Variants in CDH4 observed in about 807,000 individuals in gnomAD.
The protein encoded by CDH4 is cadherin 4.
Under a neutral mutation model 86.0 loss-of-function variants are expected in CDH4, and 33 were observed. That is an observed-to-expected ratio of 0.38 (90% CI 0.29 to 0.51). CDH4 has a LOEUF of 0.51. CDH4 is among the 20% of genes least tolerant of loss of function. CDH4 has a pLI of 0.86. For missense variants in CDH4, 1,114 were observed against 1,307.4 expected (o/e 0.85, Z 2.28); for synonymous variants, 555 against 549.4 (o/e 1.01, Z -0.14).
intron 2 of CDH4, among the ~76,000 whole-genome samples, chr20:61,504,730 T>C (rs1349271544): frequency 1.3e-5 from 2 of 152,228 alleles, no homozygotes; most frequent in Non-Finnish European, 2.9e-5. Flanking sequence ...CAAATCTGAC[T>C]AATGGCCTAA....
At chr20:61,589,480 A>G (rs1395011456) in intron 2 of CDH4, among the ~76,000 whole-genome samples, 1 of 152,208 alleles carries the variant, frequency 6.6e-6, no homozygotes, top group African/African-American at 2.4e-5. Context: ...TCTGCTAGAA[A>G]ATTCCTCTTG....
intron 2 of CDH4, among the ~76,000 whole-genome samples, chr20:61,356,278 T>C (rs780585312): frequency 1.6e-4 from 25 of 152,234 alleles, no homozygotes; most frequent in Admixed American, 4.6e-4. Flanking sequence ...GCAGCTGGAC[T>C]GTAACCTGCT....
chr20:61,558,016 G>C (rs982523092), intron 2 of CDH4, among the ~76,000 whole-genome samples: 2 of 152,124 alleles, frequency 1.3e-5, no homozygotes, highest in Non-Finnish European at 2.9e-5. Flanking sequence ...TTGCCAGTTG[G>C]AATGAGAACA....
At chr20:61,458,086 C>G (rs1036467798) in intron 2 of CDH4, among the ~76,000 whole-genome samples, 11 of 145,756 alleles carry the variant, frequency 7.5e-5, no homozygotes, top group African/African-American at 2.8e-4. Context: ...GTAGTCATAT[C>G]ATGGTGATGG....
chr20:61,681,137 A>G lies in CDH4; in HGVS notation c.170-62426A>G, dbSNP rs1287348641. Among the ~76,000 whole-genome samples, 2 of 152,204 alleles carry G rather than the reference A, an allele frequency of 1.3e-5. No homozygotes were observed. The highest frequency in any genetic ancestry group is 2.9e-5 in the Non-Finnish European group (2 of 68,026). ...GTGGATGTGGGCCCTCCAGAATTCA[A>G]GAAAATGTCTCTGCAAGGGTAAAAC... On this transcript the variant is annotated intron_variant, in intron 2 of 15. Coordinates refer to ENST00000614565, the MANE Select transcript of CDH4 (RefSeq NM_001794.5). This position sits in a 1 kb window ranked among gnomAD's most constrained non-coding sequence, Gnocchi z 4.5.
intron 2 of CDH4, among the ~76,000 whole-genome samples, chr20:61,255,782 T>C (rs1231294479): frequency 6.6e-6 from 1 of 152,204 alleles, no homozygotes; most frequent in Admixed American, 6.5e-5. Flanking sequence ...TGACAGCGGT[T>C]CCTGTGTATG....
At chr20:61,347,595 C>G (rs2084686648) in intron 2 of CDH4, among the ~76,000 whole-genome samples, 1 of 152,210 alleles carries the variant, frequency 6.6e-6, no homozygotes, top group Non-Finnish European at 1.5e-5. Flanking sequence ...CAGTTTCCCT[C>G]TAGTGTGAGC....
In CDH4 at chr20:61,902,025, C is replaced by A. The variant is rs757644646; in HGVS notation, c.1188+6978C>A. 2.0e-5 allele frequency among the ~76,000 whole-genome samples: 3 copies of A among 152,194 alleles called. No individual in the cohort carries two copies. The highest frequency in any genetic ancestry group is 4.4e-5 in the Non-Finnish European group (3 of 68,038). On this transcript the variant is annotated intron_variant, in intron 8 of 15. Coordinates refer to ENST00000614565, the MANE Select transcript of CDH4 (RefSeq NM_001794.5). The surrounding 1 kb of genome is among the most constrained non-coding windows in gnomAD (Gnocchi z 4.6). ...GGGAGGGACAGACAAAAATTAAGTA[C>A]AGCAGCAAATCACCAAGATGCAGTC...
At position 61,682,467 on chromosome 20, in the gene CDH4, GGATGGATGGACA is replaced by G. The variant is rs1465936862; in HGVS notation, c.170-61085_170-61074del. 8.0e-4 allele frequency among the ~76,000 whole-genome samples: 119 copies of G among 149,392 alleles called. 3 individuals carry two copies. The South Asian group carries it at 0.025, about 31-fold the overall frequency. ...GGGAGAAGGGGAGGGAGGGAGGGAT[GGATGGATGGACA>G]GATGGATGGATGGATGGACGGAGAG... On this transcript the variant is annotated intron_variant, in intron 2 of 15. Coordinates refer to ENST00000614565, the MANE Select transcript of CDH4 (RefSeq NM_001794.5).
At chr20:61,652,231 A>G (rs1286852739) in intron 2 of CDH4, among the ~76,000 whole-genome samples, 2 of 152,232 alleles carry the variant, frequency 1.3e-5, no homozygotes, top group Non-Finnish European at 2.9e-5. Flanking sequence ...GAACCCCAGT[A>G]TCCACGTGAA....
chr20:61,874,184 G>A (rs557286772), intron 7 of CDH4, among the ~76,000 whole-genome samples: 17 of 152,172 alleles, frequency 1.1e-4, no homozygotes, highest in African/African-American at 2.7e-4. Flanking sequence ...CTGGGGTCTC[G>A]GGGTCTAGCC....
intron 2 of CDH4, among the ~76,000 whole-genome samples, chr20:61,557,408 G>A (rs1023757858): frequency 2.0e-5 from 3 of 152,206 alleles, no homozygotes; most frequent in African/African-American, 7.2e-5. Flanking sequence ...GGGACTCTTA[G>A]GTCTGTGTGA....
Position 61,383,151 on chromosome 20 carries a change from TG to T in CDH4, c.169+128215del, listed in dbSNP as rs1333531441. On this transcript the variant is annotated intron_variant, in intron 2 of 15. Coordinates refer to ENST00000614565, the MANE Select transcript of CDH4 (RefSeq NM_001794.5). ...AATATATTATATATATGAATATATA[TG>T]AATATATTATATATATGAATATATT... 3.2e-5 allele frequency among the ~76,000 whole-genome samples: 3 copies of T among 93,202 alleles called. 1 individual carries two copies. The highest frequency in any genetic ancestry group is 1.1e-4 in the Admixed American group (1 of 9,140). 61.1% of individuals were successfully genotyped at this position (93,202 alleles called of 152,430 possible).
intron 2 of CDH4, among the ~76,000 whole-genome samples, chr20:61,328,556 A>G (rs1292354375): frequency 6.6e-6 from 1 of 152,176 alleles, no homozygotes; most frequent in Non-Finnish European, 1.5e-5. Flanking sequence ...GGCCAACACA[A>G]GAGGATTGCT....
chr20:61,281,598 G>A (rs1372320295), intron 2 of CDH4, among the ~76,000 whole-genome samples: 4 of 152,194 alleles, frequency 2.6e-5, no homozygotes, highest in African/African-American at 4.8e-5. Context: ...TCCCAGCCCC[G>A]CCTCCCGGCA....
At chr20:61,651,379 C>G (rs2087118998) in intron 2 of CDH4, among the ~76,000 whole-genome samples, 2 of 152,218 alleles carry the variant, frequency 1.3e-5, no homozygotes, top group Non-Finnish European at 2.9e-5. Context: ...GGCACATGTC[C>G]CAGCCCCGAG....
At chr20:61,812,863 A>G (rs1173020926) in intron 4 of CDH4, among the ~76,000 whole-genome samples, 1 of 152,214 alleles carries the variant, frequency 6.6e-6, no homozygotes. Flanking sequence ...TTCTTCCTGC[A>G]GGCCACCTGC....
chr20:61,904,029 G>T (rs1003689606), intron 8 of CDH4, among the ~76,000 whole-genome samples: 1 of 152,224 alleles, frequency 6.6e-6, no homozygotes, highest in Non-Finnish European at 1.5e-5. Context: ...TGCTTTGGAG[G>T]CATCTGAGTG....
chr20:61,545,691 T>A (rs1024488156), intron 2 of CDH4, among the ~76,000 whole-genome samples: 4 of 152,226 alleles, frequency 2.6e-5, no homozygotes, highest in Non-Finnish European at 2.9e-5. Flanking sequence ...GTGCCGCTCA[T>A]GCTTGGCGCC....
Sources: allele counts gnomAD v4.1 joint callset (sites outside exome capture counted in the v4.1 genomes callset), GRCh38; gene constraint gnomAD v4.1.1; non-coding constraint Gnocchi (gnomAD v3.1); transcripts MANE v1.5; gene names NCBI Gene and HGNC (gene_info 2026-07-23, HGNC 2026-07-21).